Variants in PDGFC observed in about 807,000 individuals in gnomAD.
The protein encoded by PDGFC is platelet derived growth factor C.
PDGFC carries 12 observed loss-of-function variants against 35.5 expected under a neutral mutation model. The ratio of observed to expected loss-of-function variants is 0.34; its 90% confidence interval spans 0.22 to 0.55. The LOEUF is 0.55. PDGFC is among the 20% of genes least tolerant of loss of function. The pLI, the probability that PDGFC is intolerant of heterozygous loss-of-function variation, is 0.91. For missense variants in PDGFC, 322 were observed against 412.4 expected (o/e 0.78, Z 1.90); for synonymous variants, 159 against 148.8 (o/e 1.07, Z -0.50).
chr4:156,916,867 A>G (rs1187793292), intron 1 of PDGFC, among the ~76,000 whole-genome samples: 2 of 152,192 alleles, frequency 1.3e-5, no homozygotes, highest in South Asian at 2.1e-4. Context: ...ACTAAAAACT[A>G]TCCAAAACTC....
At chr4:156,834,038 C>T (rs566548489) in intron 2 of PDGFC, among the ~76,000 whole-genome samples, 104 of 152,242 alleles carry the variant, frequency 6.8e-4, no homozygotes, top group Non-Finnish European at 1.3e-3. Context: ...CTTCTTCCCT[C>T]CCTTCTTTCT....
At chr4:156,957,026 A>T (rs1004313179) in intron 1 of PDGFC, among the ~76,000 whole-genome samples, 7 of 151,896 alleles carry the variant, frequency 4.6e-5, no homozygotes, top group African/African-American at 1.7e-4. Flanking sequence ...CGCTTGGTCA[A>T]AAATTATCTC....
intron 1 of PDGFC, among the ~76,000 whole-genome samples, chr4:156,942,680 A>C (rs1337525933): frequency 1.3e-4 from 20 of 148,798 alleles, no homozygotes; most frequent in Admixed American, 1.3e-3. Context: ...AGATGTATAT[A>C]ATATACATGT....
chr4:156,906,896 G>A (rs1018157822), intron 1 of PDGFC, among the ~76,000 whole-genome samples: 9 of 152,156 alleles, frequency 5.9e-5, no homozygotes, highest in Non-Finnish European at 8.8e-5. Flanking sequence ...GCTGGCTTAT[G>A]CTGGGATCTC....
chr4:156,915,728 T>A (rs1215301015), intron 1 of PDGFC, among the ~76,000 whole-genome samples: 1 of 151,730 alleles, frequency 6.6e-6, no homozygotes, highest in East Asian at 1.9e-4. Context: ...TTGCAGTGAG[T>A]GGAGATCATG....
intron 2 of PDGFC, among the ~76,000 whole-genome samples, chr4:156,819,437 C>G (rs971407719): frequency 3.3e-5 from 5 of 152,166 alleles, no homozygotes; most frequent in African/African-American, 1.2e-4. Flanking sequence ...ATTTACCATT[C>G]CAAAAATGCT....
At chr4:156,815,829 T>C (rs552435639) in intron 2 of PDGFC, among the ~76,000 whole-genome samples, 47 of 152,278 alleles carry the variant, frequency 3.1e-4, no homozygotes, top group African/African-American at 1.1e-3. Flanking sequence ...CTAAACCTAT[T>C]TTATGAGCCA....
At chr4:156,867,507 T>A (rs1729873790) in intron 1 of PDGFC, among the ~76,000 whole-genome samples, 1 of 152,178 alleles carries the variant, frequency 6.6e-6, no homozygotes, top group South Asian at 2.1e-4. Flanking sequence ...GTGAAAGGGG[T>A]GCGCACAGAG....
chr4:156,789,694 T>C (rs1484800880), intron 3 of PDGFC, among the ~76,000 whole-genome samples: 1 of 152,088 alleles, frequency 6.6e-6, no homozygotes, highest in Non-Finnish European at 1.5e-5. Context: ...GAAAGAATAC[T>C]GGCCGGGTGC....
chr4:156,774,671 TAA>T (rs1730778647), intron 3 of PDGFC, among the ~76,000 whole-genome samples: 1 of 149,502 alleles, frequency 6.7e-6, no homozygotes, highest in African/African-American at 2.5e-5. Flanking sequence ...TTTTTTTTTT[TAA>T]CAAAAGTTTA....
At chr4:156,763,363 CAAAA>C (rs33986749) in intron 5 of PDGFC, among the ~76,000 whole-genome samples, 157 bp from the exon 6 acceptor site, 3 of 97,148 alleles carry the variant, frequency 3.1e-5, no homozygotes, top group Non-Finnish European at 2.3e-5. Flanking sequence ...ACTCTCCCAC[CAAAA>C]AAAAAAAAAA....
intron 2 of PDGFC, among the ~76,000 whole-genome samples, chr4:156,849,988 T>C (rs766443245): frequency 4.6e-5 from 7 of 152,090 alleles, no homozygotes; most frequent in Non-Finnish European, 1.0e-4. Flanking sequence ...CCATAAATTA[T>C]ATTAAATAAT....
Position 156,763,096 on chromosome 4 carries a change from T to C in PDGFC, c.1032A>G (p.Gly344=), listed in dbSNP as rs3815861. 264,286 of 1,567,192 alleles carry C rather than the reference T, an allele frequency of 0.17. 25,106 individuals are homozygous for C. Among genetic ancestry groups the C allele is most frequent in the South Asian group, 0.38 (34,518 of 89,972 alleles). Residue 344 remains glycine (G), a synonymous_variant, in exon 6 of 6, where the codon GGA becomes GGG. Coordinates refer to ENST00000502773, the MANE Select transcript of PDGFC (RefSeq NM_016205.3). ...GCTGCTGGTGGTGATGCGGCTATCC[T>C]CCTGTGCTCCCTCTGCACACACAGT... ...ECDCVCRGST[G]G
chr4:156,855,291 C>T (rs1579057898), intron 1 of PDGFC, among the ~76,000 whole-genome samples: 1 of 152,152 alleles, frequency 6.6e-6, no homozygotes, highest in East Asian at 1.9e-4. Flanking sequence ...CTTCAAAATG[C>T]TACATTATTA....
chr4:156,917,541 G>A (rs968535534), intron 1 of PDGFC, among the ~76,000 whole-genome samples: 3 of 152,154 alleles, frequency 2.0e-5, no homozygotes, highest in African/African-American at 4.8e-5. Flanking sequence ...TAATCCCCAC[G>A]TGGAACTTAT....
intron 2 of PDGFC, among the ~76,000 whole-genome samples, chr4:156,827,170 C>T (rs1728787407): frequency 6.6e-6 from 1 of 152,144 alleles, no homozygotes; most frequent in Non-Finnish European, 1.5e-5. Context: ...GAAATTCCAG[C>T]ACTTTGGGAG....
chr4:156,939,647 C>T (rs2110902916), intron 1 of PDGFC, among the ~76,000 whole-genome samples: 1 of 152,134 alleles, frequency 6.6e-6, no homozygotes, highest in Admixed American at 6.6e-5. Flanking sequence ...TGGCTTGTTA[C>T]ATAAAATGCC....
chr4:156,803,513 G>T (rs889223025), intron 3 of PDGFC, among the ~76,000 whole-genome samples: 1 of 151,982 alleles, frequency 6.6e-6, no homozygotes, highest in Admixed American at 6.6e-5. Context: ...GTGAGAAATC[G>T]ATAGGTAATT....
chr4:156,905,432 T>C (rs1730892719), intron 1 of PDGFC, among the ~76,000 whole-genome samples: 2 of 152,088 alleles, frequency 1.3e-5, no homozygotes, highest in Admixed American at 1.3e-4. Context: ...TTCTCAAAGA[T>C]GAGATAGTTG....
Sources: gnomAD v4.1 joint callset for allele counts (sites outside exome capture counted in the v4.1 genomes callset) on GRCh38, gnomAD v4.1.1 for gene constraint, MANE v1.5 for transcripts, NCBI Gene and HGNC (gene_info 2026-07-23, HGNC 2026-07-21) for gene names.